ARHGAP30: variants seen among roughly 807,000 people sequenced by gnomAD.
The protein encoded by ARHGAP30 is Rho GTPase activating protein 30.
In ARHGAP30, 23 loss-of-function variants were observed where a neutral mutation model predicts 72.0. The ratio of observed to expected loss-of-function variants is 0.32; its 90% CI spans 0.23 to 0.45. The LOEUF (loss-of-function observed/expected upper bound fraction) is 0.45. Among genes scored for constraint, ARHGAP30 ranks in the 20% least tolerant of loss-of-function variants. The pLI is 1.00. For missense variants in ARHGAP30, 1,319 were observed against 1,383.4 expected (o/e 0.95, Z 0.74); for synonymous variants, 576 against 528.2 (o/e 1.09, Z -1.24).
In ARHGAP30 at chr1:161,053,462, T is replaced by TTCTCTCTCTCTCTCTC. The variant is rs57196073; in HGVS notation, c.537-93_537-78dup. The TTCTCTCTCTCTCTCTC allele has an allele frequency of 1.1e-3, 742 of 692,588 alleles. 9 individuals are homozygous for TTCTCTCTCTCTCTCTC. Among genetic ancestry groups the TTCTCTCTCTCTCTCTC allele is most frequent in the South Asian group, 1.2e-3 (64 of 54,750 alleles). The allele number at this position is 692,588 out of a possible 1,614,324, so 42.9% of individuals were successfully genotyped here. ...CCAGATTCTCCCTGAAAATACCTTA[T>TTCTCTCTCTCTCTCTC]TCTCTCTCTCTCTCTCTCTCTCTCT... On this transcript the variant is annotated intron_variant, in intron 5 of 11. Transcript: ENST00000368013.
chr1:161,051,676 C>G lies in ARHGAP30; in HGVS notation c.1058G>C (p.Ser353Thr), dbSNP rs1651384303. The G allele has an allele frequency of 1.2e-6, 2 of 1,612,362 alleles. No individual in the cohort carries two copies. Among genetic ancestry groups the G allele is most frequent in the African/African-American group, 1.3e-5 (1 of 74,940 alleles). Residue 353 changes from serine to threonine, a missense_variant, in exon 10 of 12, where the codon AGC becomes ACC. Coordinates refer to ENST00000368013, the MANE Select transcript of ARHGAP30 (RefSeq NM_001025598.2). ...GLVGPSSPRPSPLLPESLEND... is the reference protein window; with the variant it reads ...GLVGPSSPRPTPLLPESLEND... ...CTCCAAGCTCTCAGGCAGCAATGGG[C>G]TTGGCCGGGGGCTGCTGGGCCCCAC... is the stretch of plus-strand genomic sequence containing the variant.
intron 10 of ARHGAP30, 84 bp downstream of exon 10, chr1:161,051,230 C>G: frequency 6.7e-6 from 10 of 1,500,974 alleles, no homozygotes; most frequent in Non-Finnish European, 8.8e-6. Context: ...CTCTGCCCTT[C>G]CTAGGGTGGA....
Position 161,047,929 on chromosome 1 carries a change from G to A in ARHGAP30, c.3092C>T (p.Pro1031Leu). ...GATCATGCTACAAGGGGAGGTTCTG[G>A]GGATGAGGCAGTAATCCCCACCCTC... is the stretch of plus-strand genomic sequence containing the variant. ...CTEGGDYCLIPRTSPCSMISA... is the reference protein window; with the variant it reads ...CTEGGDYCLILRTSPCSMISA... Residue 1031 changes from proline (P) to leucine (L), a missense_variant, in exon 12 of 12, where the codon CCC becomes CTC. Around this residue, in one of 2 missense-constraint regions of ARHGAP30, gnomAD observed 1,097 missense variants for 1,045.2 expected, o/e 1.05. Transcript: ENST00000368013. The A allele has an allele frequency of 6.2e-7, 1 of 1,613,490 alleles. No individual in the cohort carries two copies. Among genetic ancestry groups the A allele is most frequent in the Non-Finnish European group, 8.5e-7 (1 of 1,179,708 alleles).
At chr1:161,060,279 AAAAG>A (rs770824014) in intron 1 of ARHGAP30, 13 of 420,140 alleles carry the variant, frequency 3.1e-5, no homozygotes, top group Non-Finnish European at 1.4e-5. Flanking sequence ...CAAAAAAAAA[AAAAG>A]AAAGAGAAAG....
At chr1:161,054,831 CATCTGCGG>C in intron 3 of ARHGAP30, 126 bp from the exon 4 acceptor site, 3 of 801,826 alleles carry the variant, frequency 3.7e-6, no homozygotes, top group South Asian at 1.5e-5. Context: ...CATCCTACAT[CATCTGCGG>C]TGCACTGACT....
chr1:161,053,221 A>G, intron 6 of ARHGAP30, 37 bp downstream of exon 6: 4 of 1,611,596 alleles, frequency 2.5e-6, no homozygotes, highest in Non-Finnish European at 3.4e-6. Context: ...TTGACTCCCC[A>G]ACAGTGGGAT....
intron 2 of ARHGAP30, among the ~76,000 whole-genome samples, chr1:161,056,761 C>T (rs1651905943): frequency 6.6e-6 from 1 of 152,068 alleles, no homozygotes. Context: ...TGGATCTATG[C>T]GTGAACAGGG....
Position 161,069,468 on chromosome 1 carries a change from G to A in ARHGAP30, c.97+60C>T, listed in dbSNP as rs1222760407. 3.6e-5 allele frequency: 55 copies of A among 1,542,398 alleles called. No individual in the cohort carries two copies. In the Admixed American group the frequency reaches 4.0e-4, roughly 11 times the overall value. On this transcript the variant is annotated intron_variant, in intron 1 of 11. Coordinates refer to ENST00000368013, the MANE Select transcript of ARHGAP30 (RefSeq NM_001025598.2). The surrounding 1 kb of genome is among the most constrained non-coding windows in gnomAD (Gnocchi z 4.9). Reference sequence around the variant, plus strand: ...CTGCTTCTGCCCTTCAGGCTGGATCGGGCTGCAGATGCCCAGTGCCTCCCC... The same window carrying A: ...CTGCTTCTGCCCTTCAGGCTGGATCAGGCTGCAGATGCCCAGTGCCTCCCC...
intron 1 of ARHGAP30, among the ~76,000 whole-genome samples, chr1:161,064,560 A>G (rs1001102062): frequency 2.0e-5 from 3 of 152,004 alleles, no homozygotes; most frequent in African/African-American, 7.3e-5. Flanking sequence ...GGAGTTCAAG[A>G]ACAGCCTGGG....
Position 161,052,423 on chromosome 1 carries a change from C to T in ARHGAP30, c.940+17G>A. Reference sequence around the variant, plus strand: ...TGTGCACCCTCAGCAGAGCTCCCCCCATCTCCCCAGACTTACCCCTGTCCT... The same window carrying T: ...TGTGCACCCTCAGCAGAGCTCCCCCTATCTCCCCAGACTTACCCCTGTCCT... On this transcript the variant is annotated intron_variant, in intron 8 of 11. Coordinates refer to ENST00000368013, the MANE Select transcript of ARHGAP30 (RefSeq NM_001025598.2). 6.2e-7 allele frequency: 1 copy of T among 1,613,926 alleles called. No homozygotes were observed. The highest frequency in any genetic ancestry group is 8.5e-7 in the Non-Finnish European group (1 of 1,179,964).
chr1:161,068,328 A>G (rs1652911086), intron 1 of ARHGAP30, among the ~76,000 whole-genome samples: 1 of 152,106 alleles, frequency 6.6e-6, no homozygotes, highest in South Asian at 2.1e-4. Flanking sequence ...GGCTCAAATA[A>G]GCTCGCTTCA....
intron 5 of ARHGAP30, 64 bp downstream of exon 5, chr1:161,054,302 G>A (rs751701437): frequency 1.4e-6 from 2 of 1,447,000 alleles, no homozygotes; most frequent in African/African-American, 1.4e-5. Context: ...CCTCATCCTG[G>A]GAGCAGCCTC....
In ARHGAP30 at chr1:161,069,421, C is replaced by G; in HGVS notation, c.97+107G>C. 8.7e-7 allele frequency: 1 copy of G among 1,146,598 alleles called. No homozygotes were observed. Among genetic ancestry groups the G allele is most frequent in the Non-Finnish European group, 1.3e-6 (1 of 787,270 alleles). The allele number at this position is 1,146,598 out of a possible 1,614,324, so 71.0% of individuals were successfully genotyped here. On this transcript the variant is annotated intron_variant, in intron 1 of 11. Transcript: ENST00000368013. This position sits in a 1 kb window ranked among gnomAD's most constrained non-coding sequence, Gnocchi z 4.9. ...TGAATGGTGACCCCAGGCCACTGCC[C>G]CTTCCCCAGGAGCACCGGAAACTGC...
At chr1:161,062,137 C>A (rs532830955) in intron 1 of ARHGAP30, among the ~76,000 whole-genome samples, 59 of 152,212 alleles carry the variant, frequency 3.9e-4, no homozygotes, top group African/African-American at 1.3e-3. Context: ...CCATCTCCAC[C>A]AGGCCACGTA....
chr1:161,052,983 G>C (rs1489721522), intron 6 of ARHGAP30, 186 bp from the exon 7 acceptor site: 1 of 919,588 alleles, frequency 1.1e-6, no homozygotes, highest in South Asian at 1.8e-5. Context: ...TGGGAGATCC[G>C]AGAACGTTGG....
At chr1:161,068,473 A>G (rs1406599094) in intron 1 of ARHGAP30, among the ~76,000 whole-genome samples, 2 of 152,078 alleles carry the variant, frequency 1.3e-5, no homozygotes, top group African/African-American at 2.4e-5. Context: ...GCAGGAAATG[A>G]TCTGGGAACC....
intron 1 of ARHGAP30, among the ~76,000 whole-genome samples, chr1:161,062,198 C>A (rs753379173): frequency 6.6e-6 from 1 of 152,146 alleles, no homozygotes; most frequent in African/African-American, 2.4e-5. Context: ...CTCGCATACA[C>A]CCCACTCTGC....
At chr1:161,057,123 C>G (rs2102051643) in intron 2 of ARHGAP30, among the ~76,000 whole-genome samples, 1 of 151,996 alleles carries the variant, frequency 6.6e-6, no homozygotes, top group Non-Finnish European at 1.5e-5. Flanking sequence ...ATAAAGAACT[C>G]TTGTAATTCA....
chr1:161,048,952 T>C lies in ARHGAP30; in HGVS notation c.2069A>G (p.Glu690Gly). Residue 690 changes from glutamate (E) to glycine (G), a missense_variant, in exon 12 of 12, where the codon GAG (glutamate) becomes GGG (glycine). Glu to Gly is a moderately conservative substitution (Grantham distance 98). This residue lies in a region of ARHGAP30 where 1,097 missense variants were observed against 1,045.2 expected (regional missense o/e 1.05). Coordinates refer to ENST00000368013, the MANE Select transcript of ARHGAP30 (RefSeq NM_001025598.2). ...GCTTCCCCCAGCCTCCCCTCTATCC[T>C]CACTGGCCTTTCCAGCCTCCACCTT... ...ETKVEAGKAS[E>G]DRGEAGGSQE... 6.2e-7 allele frequency: 1 copy of C among 1,613,872 alleles called. No homozygotes were observed. The highest frequency in any genetic ancestry group is 2.2e-5 in the East Asian group (1 of 44,872).
Sources: gnomAD v4.1 joint callset for allele counts (sites outside exome capture counted in the v4.1 genomes callset) on GRCh38, gnomAD v4.1.1 for gene constraint, gnomAD v4.1.1 regional missense constraint, Gnocchi (gnomAD v3.1) non-coding constraint, MANE v1.5 for transcripts, NCBI Gene and HGNC (gene_info 2026-07-23, HGNC 2026-07-21) for gene names.